Variants in RASGRP3 observed in about 807,000 individuals in gnomAD.
The protein encoded by RASGRP3 is RAS guanyl releasing protein 3, also known as ras guanyl-releasing protein 3.
RASGRP3 carries 54 observed loss-of-function variants against 82.7 expected under a neutral mutation model. That is an observed-to-expected ratio of 0.65 (90% CI 0.52 to 0.82). The LOEUF is 0.82. RASGRP3 is among the 40% of genes least tolerant of loss of function. The probability of loss-of-function intolerance (pLI) is 0.00; values close to 1 mark genes in which losing one functional copy is unlikely to be tolerated. For missense variants in RASGRP3, 861 were observed against 828.9 expected, an observed-to-expected ratio of 1.04 and a Z score of -0.48; for synonymous variants, 309 against 300.5, an observed-to-expected ratio of 1.03 and a Z score of -0.29.
At chr2:33,545,362 TA>T (rs1257287473) in intron 13 of RASGRP3, among the ~76,000 whole-genome samples, 1 of 152,236 alleles carries the variant, frequency 6.6e-6, no homozygotes, top group Non-Finnish European at 1.5e-5. Context: ...AGCTATTAAT[TA>T]GTACTTTTGA....
intron 14 of RASGRP3, among the ~76,000 whole-genome samples, chr2:33,554,607 G>A (rs1675730532): frequency 6.6e-6 from 1 of 152,082 alleles, no homozygotes; most frequent in South Asian, 2.1e-4. Flanking sequence ...CAAGTAGCTG[G>A]GACCACAGGC....
intron 9 of RASGRP3, among the ~76,000 whole-genome samples, chr2:33,526,758 T>C (rs1383700616): frequency 1.3e-5 from 2 of 152,174 alleles, no homozygotes; most frequent in Admixed American, 1.3e-4. Flanking sequence ...CCTCGAGTAA[T>C]ATCTGGAATG....
At chr2:33,487,586 A>G (rs1471628215) in intron 1 of RASGRP3, among the ~76,000 whole-genome samples, 1 of 152,190 alleles carries the variant, frequency 6.6e-6, no homozygotes, top group Non-Finnish European at 1.5e-5. Context: ...TTATACAGAG[A>G]CTACAGGAAA....
intron 1 of RASGRP3, among the ~76,000 whole-genome samples, chr2:33,493,631 C>G (rs529844456): frequency 1.3e-5 from 2 of 151,980 alleles, no homozygotes; most frequent in East Asian, 3.9e-4. Flanking sequence ...CTTACCTCCA[C>G]CAAGTCACCT....
chr2:33,479,769 C>G (rs1410031794), intron 1 of RASGRP3, among the ~76,000 whole-genome samples: 6 of 152,138 alleles, frequency 3.9e-5, no homozygotes, highest in African/African-American at 7.2e-5. Context: ...TTGCAGAGCC[C>G]TTAAGAAACC....
chr2:33,491,454 T>G (rs1668838461), intron 1 of RASGRP3, among the ~76,000 whole-genome samples: 1 of 152,248 alleles, frequency 6.6e-6, no homozygotes, highest in Admixed American at 6.5e-5. Context: ...ACTTAATCTT[T>G]TTGTATTCCA....
intron 1 of RASGRP3, among the ~76,000 whole-genome samples, chr2:33,492,445 G>A (rs1298196656): frequency 1.3e-5 from 2 of 152,186 alleles, no homozygotes; most frequent in Non-Finnish European, 2.9e-5. Context: ...GAGCCTAGAT[G>A]TGGACTGAAT....
Position 33,453,508 on chromosome 2 carries a change from C to T in RASGRP3, c.-261+5565C>T, listed in dbSNP as rs145493690. On this transcript the variant is annotated intron_variant, in intron 2 of 18. Transcript: ENST00000402538. ...TAGCTGAGACTTCAGTTCCTTTCTT[C>T]GTGGACTTCTCCATGGGTCTTATTG... Among the ~76,000 whole-genome samples, 202 of 152,288 alleles carry T rather than the reference C, an allele frequency of 1.3e-3. 2 individuals carry two copies. Among genetic ancestry groups the T allele is most frequent in the African/African-American group, 4.6e-3 (192 of 41,568 alleles).
intron 16 of RASGRP3, 149 bp downstream of exon 16, chr2:33,558,485 A>AATC: frequency 7.6e-7 from 1 of 1,309,620 alleles, no homozygotes; most frequent in South Asian, 1.5e-5. Flanking sequence ...TAAACCCTTG[A>AATC]ATCATCCTTG....
At chr2:33,462,190 A>C (rs1445597867) in intron 2 of RASGRP3, among the ~76,000 whole-genome samples, 2 of 152,188 alleles carry the variant, frequency 1.3e-5, no homozygotes, top group African/African-American at 4.8e-5. Flanking sequence ...TGAAGAAAGA[A>C]AGTGAGCATC....
At chr2:33,465,255 C>T (rs1319963877) in intron 2 of RASGRP3, among the ~76,000 whole-genome samples, 1 of 152,142 alleles carries the variant, frequency 6.6e-6, no homozygotes, top group Admixed American at 6.5e-5. Flanking sequence ...CACAATATTC[C>T]CTTCAGCCAA....
Position 33,527,415 on chromosome 2 carries a change from G to C in RASGRP3, c.1083+3G>C, listed in dbSNP as rs752750236. The C allele has an allele frequency of 3.1e-6, 5 of 1,604,948 alleles. No homozygotes were observed. Among genetic ancestry groups the C allele is most frequent in the Non-Finnish European group, 4.3e-6 (5 of 1,172,956 alleles). ...TGGATTTGATCAACCTGCTCACGGT[G>C]AGTTCCAAGGAGCCAAGTTTGGGCT... On this transcript the variant is annotated splice_donor_region_variant and intron_variant, in intron 10 of 17. Coordinates refer to ENST00000403687, the MANE Select transcript of RASGRP3 (RefSeq NM_001139488.2).
At chr2:33,559,320 A>G (rs1676386935) in intron 17 of RASGRP3, among the ~76,000 whole-genome samples, 1 of 152,192 alleles carries the variant, frequency 6.6e-6, no homozygotes. Flanking sequence ...CCAGAAACCC[A>G]TGACTATATA....
chr2:33,558,768 T>G lies in RASGRP3; in HGVS notation c.1802T>G (p.Ile601Ser). The change falls in exon 17 of 18, where the codon ATC (isoleucine) becomes AGC (serine). Residue 601 changes from isoleucine to serine, a missense_variant. Coordinates refer to ENST00000403687, the MANE Select transcript of RASGRP3 (RefSeq NM_001139488.2). ...ITLVTGSSRKISVRLQRATTS... is the reference protein window; with the variant it reads ...ITLVTGSSRKSSVRLQRATTS... ...CTGGTTACAGGCTCTTCTCGCAAGA[T>G]CTCTGTGAGGCTACAGAGGGCCACC... is the stretch of plus-strand genomic sequence containing the variant. 2 of 1,613,934 alleles carry G rather than the reference T, an allele frequency of 1.2e-6. No homozygotes were observed. The highest frequency in any genetic ancestry group is 1.7e-6 in the Non-Finnish European group (2 of 1,179,884).
At chr2:33,459,741 C>G (rs375643347) in intron 2 of RASGRP3, among the ~76,000 whole-genome samples, 1 of 152,108 alleles carries the variant, frequency 6.6e-6, no homozygotes, top group Non-Finnish European at 1.5e-5. Context: ...TGCAATGAAG[C>G]CAGCTGTGTC....
chr2:33,502,768 G>A (rs1469087984), intron 1 of RASGRP3, among the ~76,000 whole-genome samples: 1 of 152,068 alleles, frequency 6.6e-6, no homozygotes, highest in Non-Finnish European at 1.5e-5. Flanking sequence ...ACTCGCCTTG[G>A]CCTCCCAAAG....
At chr2:33,460,889 CTA>C (rs1280596873) in intron 2 of RASGRP3, among the ~76,000 whole-genome samples, 1 of 152,144 alleles carries the variant, frequency 6.6e-6, no homozygotes, top group African/African-American at 2.4e-5. Flanking sequence ...GGAAACAAGA[CTA>C]TGTGATAATG....
chr2:33,503,835 C>G (rs1266238231), intron 1 of RASGRP3, among the ~76,000 whole-genome samples: 1 of 152,124 alleles, frequency 6.6e-6, no homozygotes, highest in East Asian at 1.9e-4. Context: ...AAGTTAGCGT[C>G]TAAATGGTAA....
chr2:33,488,082 A>G (rs1329307063), intron 1 of RASGRP3, among the ~76,000 whole-genome samples: 2 of 152,232 alleles, frequency 1.3e-5, no homozygotes, highest in African/African-American at 4.8e-5. Flanking sequence ...AAAGATTAAC[A>G]CAATTCATGG....
Sources: allele counts gnomAD v4.1 joint callset (sites outside exome capture counted in the v4.1 genomes callset), GRCh38; gene constraint gnomAD v4.1.1; transcripts MANE v1.5; gene names NCBI Gene and HGNC (gene_info 2026-07-23, HGNC 2026-07-21).